The following MYO15B variants were observed in gnomAD, a reference collection of about 807,000 sequenced individuals.
MYO15B encodes the protein myosin XVB.
A neutral mutation model predicts 119.3 loss-of-function variants in MYO15B; 207 were observed. The ratio of observed to expected loss-of-function variants is 1.73; its 90% confidence interval spans 1.55 to 1.95. MYO15B has a LOEUF of 1.95. MYO15B is among the 30% of genes most tolerant of loss of function. The pLI is 0.00. For missense variants in MYO15B, 2,264 were observed against 1,203.1 expected (o/e 1.88, Z -13.04); for synonymous variants, 966 against 498.9 (o/e 1.94, Z -12.48).
chr17:75,616,611 C>T (rs1437359043), exon 39 of MYO15B: 1 of 702,934 alleles, frequency 1.4e-6, no homozygotes, highest in Admixed American at 2.0e-5. Flanking sequence ...GCTGAGCCAG[C>T]CAAGGAGACA....
chr17:75,616,962 G>A lies in MYO15B; in HGVS notation c.6594+1G>A, dbSNP rs1237978553. On this transcript the variant is annotated splice_donor_variant, in intron 40 of 63. Transcript: ENST00000645453. LOFTEE classifies it high-confidence loss of function. ...CAACGGTGCCCACTCGTCCCCGCCG[G>A]TGAGCACCCCAGCCTGTCTCCCCCA... 1 of 702,932 alleles carries A rather than the reference G, an allele frequency of 1.4e-6. No homozygotes were observed. The highest frequency in any genetic ancestry group is 2.6e-6 in the Non-Finnish European group (1 of 384,998). 43.5% of individuals were successfully genotyped at this position (702,932 alleles called of 1,614,324 possible).
At chr17:75,620,727 G>C (rs560969296) in intron 49 of MYO15B, 91 bp downstream of exon 49, 1 of 692,828 alleles carries the variant, frequency 1.4e-6, no homozygotes, top group Non-Finnish European at 2.6e-6. Flanking sequence ...GCTGCCATGC[G>C]GTGGGACCAC....
chr17:75,611,450 C>CA (rs2058021807), intron 23 of MYO15B, among the ~76,000 whole-genome samples, 151 bp from the exon 24 acceptor site: 3 of 131,036 alleles, frequency 2.3e-5, no homozygotes, highest in African/African-American at 8.9e-5. Context: ...GCCTGGGTGA[C>CA]AGAGTGAGAC....
At chr17:75,626,054 A>AGAG (rs759956901) in intron 62 of MYO15B, 34 bp from the exon 63 acceptor site, 1 of 699,034 alleles carries the variant, frequency 1.4e-6, no homozygotes, top group Non-Finnish European at 2.6e-6. Flanking sequence ...CCCTCCCCGG[A>AGAG]GAGGAGACCA....
intron 9 of MYO15B, 134 bp from the exon 10 acceptor site, chr17:75,594,341 G>C: frequency 1.9e-6 from 1 of 533,624 alleles, no homozygotes; most frequent in Non-Finnish European, 3.3e-6. Context: ...GCTCCTAATG[G>C]CCCAGATCTC....
exon 1 of MYO15B, chr17:75,588,056 C>T (rs2056177512): frequency 5.0e-6 from 2 of 398,330 alleles, no homozygotes. Context: ...TTTGGGCCAG[C>T]CATGGGCAGG....
chr17:75,624,766 T>C lies in MYO15B; in HGVS notation c.8543-5T>C, dbSNP rs932951522. The C allele has an allele frequency of 1.7e-5, 12 of 702,810 alleles. No individual in the cohort carries two copies. The highest frequency in any genetic ancestry group is 1.6e-4 in the African/African-American group (9 of 57,356). 43.5% of individuals were successfully genotyped at this position (702,810 alleles called of 1,614,324 possible). On this transcript the variant is annotated splice_region_variant and splice_polypyrimidine_tract_variant and intron_variant, in intron 58 of 63. Transcript: ENST00000645453. ...AGCAGCAGTGGACCTAGGCTCCCCA[T>C]GCAGGCCAGCTGGTGCGGCCCCTGC...
chr17:75,616,656 G>A (rs1205113489), exon 39 of MYO15B: 2 of 702,978 alleles, frequency 2.8e-6, no homozygotes, highest in Non-Finnish European at 2.6e-6. Flanking sequence ...CCAGCCCAAG[G>A]CAGGGGGACT....
intron 43 of MYO15B, 30 bp downstream of exon 43, chr17:75,618,215 A>G: frequency 1.4e-6 from 1 of 702,934 alleles, no homozygotes; most frequent in Non-Finnish European, 2.6e-6. Context: ...CCAGCCTGAG[A>G]CATCTGCAGA....
exon 27 of MYO15B, chr17:75,613,041 T>C: frequency 2.9e-6 from 2 of 700,574 alleles, no homozygotes; most frequent in East Asian, 5.4e-5. Flanking sequence ...GCATACCTGG[T>C]GCGGCAGGGG....
chr17:75,617,019 GCT>G, intron 40 of MYO15B, 58 bp downstream of exon 40: 1 of 696,930 alleles, frequency 1.4e-6, no homozygotes, highest in Non-Finnish European at 2.6e-6. Flanking sequence ...GGAGCTCAAG[GCT>G]CTCTGGGGCG....
chr17:75,593,924 G>GAAAAA (rs3072564), intron 9 of MYO15B, among the ~76,000 whole-genome samples: 1 of 128,856 alleles, frequency 7.8e-6, no homozygotes, highest in South Asian at 2.5e-4. Context: ...AGTCTCAGAA[G>GAAAAA]AAAAAAAAAA....
chr17:75,588,186 G>A (rs373392746), exon 1 of MYO15B: 2 of 397,918 alleles, frequency 5.0e-6, no homozygotes, highest in South Asian at 1.3e-4. Flanking sequence ...CCGACCGCGG[G>A]CAGGCGGACA....
At chr17:75,614,872 A>ATGCCCC (rs1189803778) in intron 32 of MYO15B, 23 bp downstream of exon 32, 1 of 702,712 alleles carries the variant, frequency 1.4e-6, no homozygotes, top group South Asian at 1.5e-5. Context: ...CAGCCCCCAA[A>ATGCCCC]TGCCCCTGCC....
exon 49 of MYO15B, chr17:75,620,540 C>T (rs1185757924): frequency 1.3e-5 from 9 of 702,692 alleles, no homozygotes; most frequent in East Asian, 8.0e-5. Flanking sequence ...CTGCCGCTCC[C>T]GACTTTTCCT....
Position 75,589,238 on chromosome 17 carries a change from A to C in MYO15B, c.1181A>C (p.Glu394Ala), listed in dbSNP as rs1018156053. The change falls in exon 1 of 64, where the codon GAG (glutamate) becomes GCG (alanine). Residue 394 changes from glutamate (E) to alanine (A), a missense_variant. Glu to Ala is a moderately radical substitution (Grantham distance 107). Coordinates refer to ENST00000645453, the Ensembl canonical transcript of MYO15B. The surrounding 1 kb of genome is among the most constrained non-coding windows in gnomAD (Gnocchi z 4.2). The stretch of plus-strand genomic sequence containing the variant: ...CTGCGGCGGCGGCCGCCAGAGGGCG[A>C]GGGGCAGGGTACCGGGCCACGGGCG... 6 of 395,752 alleles carry C rather than the reference A, an allele frequency of 1.5e-5. No individual in the cohort carries two copies. The highest frequency in any genetic ancestry group is 2.6e-5 in the Non-Finnish European group (6 of 227,346). The allele number at this position is 395,752 out of a possible 1,614,324, so 24.5% of individuals were successfully genotyped here. A position where few individuals can be genotyped will look rare whatever the true frequency, so the allele number is the denominator to read the frequency against.
chr17:75,605,471 G>T (rs1209614367), intron 19 of MYO15B, 33 bp from the exon 20 acceptor site: 1 of 694,020 alleles, frequency 1.4e-6, no homozygotes, highest in East Asian at 2.7e-5. Context: ...GGAGGTTCTG[G>T]CTATTCTGAT....
exon 47 of MYO15B, chr17:75,619,922 C>G (rs2058605257): frequency 2.8e-6 from 2 of 702,612 alleles, no homozygotes; most frequent in Non-Finnish European, 2.6e-6. Flanking sequence ...CGGCTCCACC[C>G]TGGAGCTGTC....
chr17:75,613,037 C>G (rs1175401751), exon 27 of MYO15B: 1 of 700,534 alleles, frequency 1.4e-6, no homozygotes. Context: ...GGGCGCATAC[C>G]TGGTGCGGCA....
Sources: gnomAD v4.1 joint callset for allele counts (sites outside exome capture counted in the v4.1 genomes callset) on GRCh38, gnomAD v4.1.1 for gene constraint, Gnocchi (gnomAD v3.1) non-coding constraint, MANE v1.5 for transcripts, NCBI Gene and HGNC (gene_info 2026-07-23, HGNC 2026-07-21) for gene names.